Variants in CAMK1D observed in about 807,000 individuals in gnomAD.
CAMK1D encodes calcium/calmodulin dependent protein kinase ID, also known as calcium/calmodulin-dependent protein kinase type 1D.
Under a neutral mutation model 47.7 loss-of-function variants are expected in CAMK1D, and 9 were observed. The ratio of observed to expected loss-of-function variants is 0.19; its 90% CI spans 0.11 to 0.33. The LOEUF is 0.33. Among genes scored for constraint, CAMK1D ranks in the 10% least tolerant of loss-of-function variants. The pLI is 1.00. For synonymous variants in CAMK1D, 184 were observed against 184.9 expected (o/e 0.99, Z 0.04); for missense variants, 291 against 488.7 (o/e 0.60, Z 3.81).
At chr10:12,430,309 C>T (rs191544429) in intron 1 of CAMK1D, among the ~76,000 whole-genome samples, 90 of 152,282 alleles carry the variant, frequency 5.9e-4, no homozygotes, top group African/African-American at 1.9e-3. Context: ...TCCGCTCTCC[C>T]GGAGAGCACA....
chr10:12,412,413 C>T (rs1353854110), intron 1 of CAMK1D, among the ~76,000 whole-genome samples: 1 of 145,758 alleles, frequency 6.9e-6, no homozygotes, highest in Non-Finnish European at 1.5e-5. Flanking sequence ...AGTTCGAGAC[C>T]AGCCTGGCCA....
chr10:12,699,693 G>A (rs1369940106), intron 3 of CAMK1D, among the ~76,000 whole-genome samples: 1 of 148,604 alleles, frequency 6.7e-6, no homozygotes, highest in Non-Finnish European at 1.5e-5. Context: ...GCTGATTGAT[G>A]AGGACGGTTT....
intron 2 of CAMK1D, among the ~76,000 whole-genome samples, chr10:12,559,866 C>T (rs530062363): frequency 6.6e-6 from 1 of 152,238 alleles, no homozygotes; most frequent in East Asian, 1.9e-4. Context: ...CTGCTAAAGG[C>T]AGCAGGTGCC....
intron 3 of CAMK1D, among the ~76,000 whole-genome samples, chr10:12,690,241 T>C (rs919459022): frequency 6.6e-6 from 1 of 152,210 alleles, no homozygotes; most frequent in Non-Finnish European, 1.5e-5. Context: ...TGCCAGCCAT[T>C]GTTCCATATA....
intron 1 of CAMK1D, among the ~76,000 whole-genome samples, chr10:12,534,006 A>C (rs2815641): frequency 0.37 from 56,285 of 151,950 alleles, 10,972 homozygotes; most frequent in East Asian, 0.58. Context: ...ACCCCTTTGC[A>C]AGAGTTCTTC....
intron 1 of CAMK1D, among the ~76,000 whole-genome samples, chr10:12,459,406 A>G (rs1227074819): frequency 6.6e-6 from 1 of 152,176 alleles, no homozygotes; most frequent in Non-Finnish European, 1.5e-5. Flanking sequence ...ACCATAGATT[A>G]TTAGGTGATG....
intron 1 of CAMK1D, among the ~76,000 whole-genome samples, chr10:12,421,561 T>C (rs1840053041): frequency 6.9e-6 from 1 of 143,920 alleles, no homozygotes; most frequent in Non-Finnish European, 1.5e-5. Flanking sequence ...GGTCTTGCTC[T>C]GTTGCCCAGG....
intron 3 of CAMK1D, among the ~76,000 whole-genome samples, chr10:12,732,603 C>T (rs1004082317): frequency 1.1e-4 from 17 of 151,842 alleles, no homozygotes; most frequent in South Asian, 8.3e-4. Context: ...CATCAGATCT[C>T]GTGAGATTTA....
At chr10:12,656,180 A>G (rs979836063) in intron 2 of CAMK1D, among the ~76,000 whole-genome samples, 3 of 152,044 alleles carry the variant, frequency 2.0e-5, no homozygotes, top group Non-Finnish European at 4.4e-5. Flanking sequence ...TGGGACCATT[A>G]CAGGCTCTAG....
chr10:12,622,699 G>A (rs555384993), intron 2 of CAMK1D, among the ~76,000 whole-genome samples: 51 of 152,266 alleles, frequency 3.3e-4, no homozygotes, highest in Admixed American at 3.1e-3. Flanking sequence ...CTCCCTGAAA[G>A]GAGACAAACG....
chr10:12,828,183 T>C (rs1283094361), intron 10 of CAMK1D, among the ~76,000 whole-genome samples: 1 of 152,222 alleles, frequency 6.6e-6, no homozygotes, highest in Non-Finnish European at 1.5e-5. Flanking sequence ...GCTCAGTACA[T>C]GGAACCTGTT....
At chr10:12,504,105 ATGGG>A (rs1261920694) in intron 1 of CAMK1D, among the ~76,000 whole-genome samples, 2 of 138,530 alleles carry the variant, frequency 1.4e-5, no homozygotes, top group Non-Finnish European at 3.1e-5. Context: ...AACCAATAAG[ATGGG>A]TGTGTGTGTG....
At chr10:12,683,207 C>T (rs1003650546) in intron 3 of CAMK1D, among the ~76,000 whole-genome samples, 4 of 152,028 alleles carry the variant, frequency 2.6e-5, no homozygotes, top group Non-Finnish European at 5.9e-5. Flanking sequence ...TTGCCTCAGC[C>T]TCCCGAGTAG....
At position 12,694,363 on chromosome 10, in the gene CAMK1D, G is replaced by A. The variant is rs1307852046; in HGVS notation, c.299+27553G>A. On this transcript the variant is annotated intron_variant, in intron 3 of 10. Coordinates refer to ENST00000619168, the MANE Select transcript of CAMK1D (RefSeq NM_153498.4). ...AATATATAACATATATATGTTATATGTTATATATAAAATATAAAATATATA... is the reference window on the plus strand; with the variant it reads ...AATATATAACATATATATGTTATATATTATATATAAAATATAAAATATATA... Among the ~76,000 whole-genome samples, 445 of 61,846 alleles carry A rather than the reference G, an allele frequency of 7.2e-3. 30 individuals are homozygous for A. Among genetic ancestry groups the A allele is most frequent in the South Asian group, 0.013 (18 of 1,434 alleles). The allele number at this position is 61,846 out of a possible 152,430, so 40.6% of individuals were successfully genotyped here. A position where few individuals can be genotyped will look rare whatever the true frequency, so the allele number is the denominator to read the frequency against.
chr10:12,738,560 C>CAGTG (rs1217126303), intron 3 of CAMK1D, among the ~76,000 whole-genome samples: 1 of 152,164 alleles, frequency 6.6e-6, no homozygotes, highest in African/African-American at 2.4e-5. Flanking sequence ...TGGCCAGGTG[C>CAGTG]AGTGGCTCAC....
In CAMK1D at chr10:12,794,522, C is replaced by T. The variant is rs773958441; in HGVS notation, c.641+3289C>T. The stretch of plus-strand genomic sequence containing the variant: ...GGTGCACCCAAACCCTTATGATTTC[C>T]GTATGCACTGCAACATTTGCCAGGG... On this transcript the variant is annotated intron_variant, in intron 6 of 10. Coordinates refer to ENST00000619168, the MANE Select transcript of CAMK1D (RefSeq NM_153498.4). Among the ~76,000 whole-genome samples the T allele has an allele frequency of 5.3e-5, 8 of 152,116 alleles. No individual in the cohort carries two copies. In the South Asian group the frequency reaches 6.2e-4, roughly 12 times the overall value.
chr10:12,620,196 A>AAAAAAAAAT (rs1363337612), intron 2 of CAMK1D, among the ~76,000 whole-genome samples: 1 of 50,832 alleles, frequency 2.0e-5, no homozygotes, highest in Non-Finnish European at 8.5e-5. Flanking sequence ...CAAAAAAAAA[A>AAAAAAAAAT]AAAAAAAAAA....
chr10:12,491,650 C>G (rs534250286), intron 1 of CAMK1D, among the ~76,000 whole-genome samples: 2 of 151,890 alleles, frequency 1.3e-5, no homozygotes, highest in Non-Finnish European at 2.9e-5. Flanking sequence ...CCAGTATCGC[C>G]GAGAGGATGA....
chr10:12,777,868 T>G (rs1837329546), intron 5 of CAMK1D, among the ~76,000 whole-genome samples: 1 of 152,220 alleles, frequency 6.6e-6, no homozygotes, highest in Non-Finnish European at 1.5e-5. Flanking sequence ...GCAAAGAAAC[T>G]GCTGGAAAGT....
Sources: gnomAD v4.1 joint callset for allele counts (sites outside exome capture counted in the v4.1 genomes callset) on GRCh38, gnomAD v4.1.1 for gene constraint, MANE v1.5 for transcripts, NCBI Gene and HGNC (gene_info 2026-07-23, HGNC 2026-07-21) for gene names.